DACH2: variants seen among roughly 807,000 people sequenced by gnomAD.
DACH2 encodes the protein dachshund family transcription factor 2.
DACH2 carries 17 observed loss-of-function variants against 35.8 expected under a neutral mutation model. That is an observed-to-expected ratio of 0.48 (90% CI 0.33 to 0.71). The LOEUF (loss-of-function observed/expected upper bound fraction) is 0.71, where lower values mean the gene tolerates loss of function less well. DACH2 is among the 30% of genes least tolerant of loss of function. The probability of loss-of-function intolerance (pLI) is 0.02; values close to 1 mark genes in which losing one functional copy is unlikely to be tolerated. For missense variants in DACH2, 469 were observed against 472.7 expected (o/e 0.99, Z 0.07); for synonymous variants, 195 against 177.3 (o/e 1.10, Z -0.79).
Position 86,516,244 on chromosome X carries a change from C to T in DACH2, c.640+1853C>T, listed in dbSNP as rs2038465948. Among the ~76,000 whole-genome samples, 3 of 111,797 alleles carry T rather than the reference C, an allele frequency of 2.7e-5. No individual in the cohort carries two copies. The Admixed American group carries it at 2.8e-4, about 11-fold the overall frequency. ...CAATGAATGACCATCTATTTCTTGC[C>T]TCCTGAAATACATTCCTAGAGCCTA... On this transcript the variant is annotated intron_variant, in intron 3 of 11. Transcript: ENST00000373125.
At chrX:86,311,688 C>T (rs902248251) in intron 1 of DACH2, among the ~76,000 whole-genome samples, 7 of 110,968 alleles carry the variant, frequency 6.3e-5, no homozygotes, top group African/African-American at 6.6e-5. Context: ...AAGGGAGGAA[C>T]GTTGCCACCA....
chrX:86,232,521 A>T (rs1046789698), intron 1 of DACH2, among the ~76,000 whole-genome samples: 3 of 112,258 alleles, frequency 2.7e-5, no homozygotes, highest in African/African-American at 9.7e-5. Context: ...AACTGCATTA[A>T]AAAGAGGGCA....
In DACH2 at chrX:86,795,838, G is replaced by A. The variant is rs192773708; in HGVS notation, c.1241-17018G>A. Among the ~76,000 whole-genome samples the A allele has an allele frequency of 1.2e-4, 11 of 88,697 alleles. No individual in the cohort carries two copies. The East Asian group carries it at 3.5e-3, about 28-fold the overall frequency. 77.0% of individuals were successfully genotyped at this position (88,697 alleles called of 115,157 possible). On this transcript the variant is annotated intron_variant, in intron 7 of 11. Transcript: ENST00000373125. ...CGCAGGGAGTGTTACAGCTCTTAAA[G>A]TTGGTGCGTCTGGAGTTGTTTGTTC...
intron 1 of DACH2, among the ~76,000 whole-genome samples, chrX:86,335,056 A>G (rs185582820): frequency 1.6e-3 from 179 of 111,753 alleles, no homozygotes; most frequent in African/African-American, 5.6e-3. Flanking sequence ...TTTGTCAAAG[A>G]TCAGATGGTT....
chrX:86,538,205 GA>G (rs1270834052), intron 3 of DACH2, among the ~76,000 whole-genome samples: 1 of 111,214 alleles, frequency 9.0e-6, no homozygotes, highest in East Asian at 2.8e-4. Flanking sequence ...GACCTCATCA[GA>G]ATGTTCTTTA....
intron 2 of DACH2, among the ~76,000 whole-genome samples, chrX:86,382,488 A>G (rs55770652): frequency 1.4e-4 from 8 of 58,906 alleles, no homozygotes; most frequent in South Asian, 1.2e-3. Context: ...ACACACACAC[A>G]CACACACACA....
At chrX:86,277,210 G>A (rs1383623037) in intron 1 of DACH2, among the ~76,000 whole-genome samples, 1 of 110,804 alleles carries the variant, frequency 9.0e-6, no homozygotes, top group African/African-American at 3.3e-5. Context: ...TCTTTTATCA[G>A]TCTTTTATAG....
At chrX:86,169,510 G>A (rs2031054411) in intron 1 of DACH2, among the ~76,000 whole-genome samples, 1 of 110,233 alleles carries the variant, frequency 9.1e-6, no homozygotes, top group Non-Finnish European at 1.9e-5. Flanking sequence ...TCTCTTTAAG[G>A]CCAGTAGCTC....
intron 3 of DACH2, among the ~76,000 whole-genome samples, chrX:86,614,461 A>C (rs888472370): frequency 8.9e-6 from 1 of 111,933 alleles, no homozygotes; most frequent in Admixed American, 9.5e-5. Context: ...AATGTTTGTG[A>C]AAGTATTCTT....
In DACH2 at chrX:86,620,797, CA is replaced by C. The variant is rs201947312; in HGVS notation, c.641-30227del. Among the ~76,000 whole-genome samples the C allele has an allele frequency of 9.6e-3, 876 of 90,929 alleles. 6 individuals are homozygous for C. The highest frequency in any genetic ancestry group is 0.028 in the South Asian group (56 of 1,975). The allele number at this position is 90,929 out of a possible 115,157, so 79.0% of individuals were successfully genotyped here. On this transcript the variant is annotated intron_variant, in intron 3 of 11. Coordinates refer to ENST00000373125, the MANE Select transcript of DACH2 (RefSeq NM_053281.3). ...ATAATCTTTTGACAAGCAAATAAAA[CA>C]AAAAAAAAAAAGGAGAGAAAGAGGA...
chrX:86,203,911 T>C (rs975013254), intron 1 of DACH2, among the ~76,000 whole-genome samples: 7 of 111,278 alleles, frequency 6.3e-5, no homozygotes, highest in Non-Finnish European at 1.3e-4. Flanking sequence ...GACTGTAGGG[T>C]AGAGTCTGGC....
At chrX:86,603,076 TG>T (rs1176356920) in intron 3 of DACH2, among the ~76,000 whole-genome samples, 2 of 111,459 alleles carry the variant, frequency 1.8e-5, no homozygotes. Context: ...AAATTCAAGG[TG>T]TCAGCTGAGT....
intron 2 of DACH2, among the ~76,000 whole-genome samples, chrX:86,405,215 G>T (rs1243812717): frequency 8.9e-6 from 1 of 111,812 alleles, no homozygotes; most frequent in East Asian, 2.8e-4. Flanking sequence ...GGCTACTTAT[G>T]CAATGGGCTT....
At chrX:86,512,490 T>C (rs2038410100) in intron 2 of DACH2, among the ~76,000 whole-genome samples, 1 of 111,527 alleles carries the variant, frequency 9.0e-6, no homozygotes, top group African/African-American at 3.3e-5. Flanking sequence ...CTGGCAGTCA[T>C]ATGGCTCATC....
intron 4 of DACH2, among the ~76,000 whole-genome samples, chrX:86,688,202 T>C (rs2040970849): frequency 8.9e-6 from 1 of 112,214 alleles, no homozygotes; most frequent in Non-Finnish European, 1.9e-5. Context: ...GGTATTCTTT[T>C]CTTTCTTCCT....
chrX:86,275,322 C>G (rs2033897932), intron 1 of DACH2, among the ~76,000 whole-genome samples: 1 of 111,770 alleles, frequency 8.9e-6, no homozygotes, highest in East Asian at 2.8e-4. Context: ...AATTCATGTA[C>G]AGGGAATTAC....
At chrX:86,804,755 A>G (rs2042326406) in intron 7 of DACH2, among the ~76,000 whole-genome samples, 1 of 112,614 alleles carries the variant, frequency 8.9e-6, no homozygotes, top group Non-Finnish European at 1.9e-5. Flanking sequence ...TACAGGCCCC[A>G]TGCAAGTCTG....
At chrX:86,286,677 C>A (rs756614148) in intron 1 of DACH2, among the ~76,000 whole-genome samples, 1 of 110,884 alleles carries the variant, frequency 9.0e-6, no homozygotes, top group South Asian at 3.8e-4. Flanking sequence ...ATTTTATAAA[C>A]CATTGTTTTA....
chrX:86,154,919 C>T (rs1473824188), intron 1 of DACH2, among the ~76,000 whole-genome samples: 1 of 111,443 alleles, frequency 9.0e-6, no homozygotes, highest in African/African-American at 3.2e-5. Context: ...GAGAAAAATA[C>T]CAAATCAATC....
Sources: gnomAD v4.1 joint callset for allele counts (sites outside exome capture counted in the v4.1 genomes callset) on GRCh38, gnomAD v4.1.1 for gene constraint, MANE v1.5 for transcripts, NCBI Gene and HGNC (gene_info 2026-07-23, HGNC 2026-07-21) for gene names.